Variants in IQCH observed in about 807,000 individuals in gnomAD.
IQCH encodes IQ motif containing H.
IQCH carries 98 observed loss-of-function variants against 117.0 expected under a neutral mutation model. That is an observed-to-expected ratio of 0.84 (90% CI 0.71 to 0.99). The LOEUF (loss-of-function observed/expected upper bound fraction) is 0.99, where lower values mean the gene tolerates loss of function less well. IQCH is among the 50% of genes least tolerant of loss of function. IQCH has a pLI of 0.00. For synonymous variants in IQCH, 412 were observed against 448.2 expected (o/e 0.92, Z 1.02); for missense variants, 1,102 against 1,243.8 (o/e 0.89, Z 1.72).
At chr15:67,378,786 G>A (rs571581851) in intron 10 of IQCH, among the ~76,000 whole-genome samples, 2 of 151,960 alleles carry the variant, frequency 1.3e-5, no homozygotes, top group African/African-American at 4.8e-5. Flanking sequence ...TTAATATTAG[G>A]ATATGCTGTA....
rs768727030 is a variant in IQCH at position 67,384,995 on chromosome 15, C to T, written c.1432C>T (p.Leu478=). The change falls in exon 11 of 21, where the codon CTG becomes TTG. Residue 478 remains leucine, a synonymous_variant. Transcript: ENST00000335894. The surrounding 1 kb of genome is among the most constrained non-coding windows in gnomAD (Gnocchi z 4.3). ...TTTCAACACACAGCAGAACATGCAG[C>T]TGGGGAGGCTGTGTGACATCTTAGG... is the stretch of plus-strand genomic sequence containing the variant. ...ADFNTQQNMQ[L]GRLCDILDAN... is the part of the protein sequence containing the mutation. 4 of 1,610,308 alleles carry T rather than the reference C, an allele frequency of 2.5e-6. No individual in the cohort carries two copies. Among genetic ancestry groups the T allele is most frequent in the Non-Finnish European group, 3.4e-6 (4 of 1,176,884 alleles).
Position 67,321,477 on chromosome 15 carries a change from T to A in IQCH, c.388-15498T>A, listed in dbSNP as rs201781714. The stretch of plus-strand genomic sequence containing the variant: ...CCTTCCTTTCCTTCCTTCCTTCCTT[T>A]CTTTCTTTCTTTTTCTTTCTTTTTT... On this transcript the variant is annotated intron_variant, in intron 4 of 20. Coordinates refer to ENST00000335894, the MANE Select transcript of IQCH (RefSeq NM_001031715.3). Among the ~76,000 whole-genome samples, 18 of 90,760 alleles carry A rather than the reference T, an allele frequency of 2.0e-4. 2 individuals carry two copies. The highest frequency in any genetic ancestry group is 1.5e-3 in the East Asian group (2 of 1,312). The allele number at this position is 90,760 out of a possible 152,430, so 59.5% of individuals were successfully genotyped here. A position where few individuals can be genotyped will look rare whatever the true frequency, so the allele number is the denominator to read the frequency against.
intron 6 of IQCH, among the ~76,000 whole-genome samples, chr15:67,351,582 A>G (rs1338373665): frequency 6.6e-6 from 1 of 152,208 alleles, no homozygotes; most frequent in East Asian, 1.9e-4. Flanking sequence ...AGTAATGCCA[A>G]ACTGTCTTTT....
At chr15:67,418,203 T>A (rs1301620785) in intron 15 of IQCH, among the ~76,000 whole-genome samples, 1 of 152,132 alleles carries the variant, frequency 6.6e-6, no homozygotes, top group Non-Finnish European at 1.5e-5. Flanking sequence ...TAGTTACATT[T>A]ATCAGGGCTT....
intron 4 of IQCH, among the ~76,000 whole-genome samples, chr15:67,331,727 C>T (rs1053990360): frequency 3.9e-5 from 6 of 152,164 alleles, no homozygotes; most frequent in Non-Finnish European, 8.8e-5. Context: ...ATTCAAGATA[C>T]GATTTCTTTC....
chr15:67,336,523 C>T (rs1372053432), intron 4 of IQCH, among the ~76,000 whole-genome samples: 2 of 152,102 alleles, frequency 1.3e-5, no homozygotes, highest in South Asian at 2.1e-4. Context: ...AAAGAATCTA[C>T]CCAGAATTAA....
At chr15:67,333,988 G>A (rs1439073765) in intron 4 of IQCH, among the ~76,000 whole-genome samples, 2 of 152,054 alleles carry the variant, frequency 1.3e-5, no homozygotes, top group African/African-American at 2.4e-5. Context: ...AGCTCAGGAG[G>A]TGAAGGCTGC....
At chr15:67,374,042 A>G (rs562871703) in intron 10 of IQCH, 2 of 152,618 alleles carry the variant, frequency 1.3e-5, no homozygotes, top group South Asian at 4.1e-4. Flanking sequence ...ATTTAATTAC[A>G]TTTATGAATT....
In IQCH at chr15:67,427,707, A is replaced by T. The variant is rs2081925284; in HGVS notation, c.2505+6130A>T. Among the ~76,000 whole-genome samples, 1 of 152,210 alleles carries T rather than the reference A, an allele frequency of 6.6e-6. No individual in the cohort carries two copies. The highest frequency in any genetic ancestry group is 6.5e-5 in the Admixed American group (1 of 15,278). On this transcript the variant is annotated intron_variant, in intron 16 of 20. Transcript: ENST00000335894. This position sits in a 1 kb window ranked among gnomAD's most constrained non-coding sequence, Gnocchi z 4.7. ...ATCAGCAAATTCAAATGTTAATAAT[A>T]ATCATCCACTTTAAAAAAATTATCA...
chr15:67,462,879 C>T (rs1434542388), intron 16 of IQCH, among the ~76,000 whole-genome samples: 2 of 152,136 alleles, frequency 1.3e-5, no homozygotes, highest in Non-Finnish European at 2.9e-5. Context: ...TCATGCCATA[C>T]AGCAGGAAAT....
Position 67,416,917 on chromosome 15 carries a change from ATT to A in IQCH, c.2098-12_2098-11del, listed in dbSNP as rs2081592177. The A allele has an allele frequency of 1.3e-6, 2 of 1,570,592 alleles. No individual in the cohort carries two copies. The highest frequency in any genetic ancestry group is 2.8e-5 in the African/African-American group (2 of 72,420). On this transcript the variant is annotated splice_polypyrimidine_tract_variant and intron_variant, in intron 14 of 20. Coordinates refer to ENST00000335894, the MANE Select transcript of IQCH (RefSeq NM_001031715.3). This position sits in a 1 kb window ranked among gnomAD's most constrained non-coding sequence, Gnocchi z 5.1. ...GTAAAATTGCTTGTGGTTCTATTTA[ATT>A]TGTTTCTGCAGGAGCCAGCTTTGGT...
chr15:67,482,226 A>C (rs201799258), intron 18 of IQCH, among the ~76,000 whole-genome samples: 1 of 152,156 alleles, frequency 6.6e-6, no homozygotes, highest in Non-Finnish European at 1.5e-5. Flanking sequence ...AACATTTCCC[A>C]CCAAAGGATA....
chr15:67,361,923 A>G lies in IQCH; in HGVS notation c.753+2038A>G, dbSNP rs1970148590. Among the ~76,000 whole-genome samples, 4 of 152,194 alleles carry G rather than the reference A, an allele frequency of 2.6e-5. No individual in the cohort carries two copies. In the South Asian group the frequency reaches 6.2e-4, roughly 24 times the overall value. Reference sequence around the variant, plus strand: ...CTTTTTATTATCTTAAGGCAAGCATAAAAACTATGTTAAGATTCACTCAAT... The same window carrying G: ...CTTTTTATTATCTTAAGGCAAGCATGAAAACTATGTTAAGATTCACTCAAT... On this transcript the variant is annotated intron_variant, in intron 8 of 20. Transcript: ENST00000335894.
chr15:67,473,903 C>T lies in IQCH; in HGVS notation c.2677-1793C>T, dbSNP rs1385056629. Among the ~76,000 whole-genome samples, 2 of 152,250 alleles carry T rather than the reference C, an allele frequency of 1.3e-5. No homozygotes were observed. The highest frequency in any genetic ancestry group is 6.5e-5 in the Admixed American group (1 of 15,292). ...TGTATTAGCCTGTGGGGGCCTAACT[C>T]GTCTGTAGATGTGGACTCCACTTGC... is the stretch of plus-strand genomic sequence containing the variant. On this transcript the variant is annotated intron_variant, in intron 17 of 20. Coordinates refer to ENST00000335894, the MANE Select transcript of IQCH (RefSeq NM_001031715.3). This position sits in a 1 kb window ranked among gnomAD's most constrained non-coding sequence, Gnocchi z 4.9.
At chr15:67,343,536 G>GT (rs1969260639) in intron 5 of IQCH, among the ~76,000 whole-genome samples, 1 of 152,148 alleles carries the variant, frequency 6.6e-6, no homozygotes, top group Non-Finnish European at 1.5e-5. Flanking sequence ...TTGCCCAGTT[G>GT]TATTAAAATA....
At chr15:67,311,239 A>C (rs1967580685) in intron 4 of IQCH, among the ~76,000 whole-genome samples, 1 of 152,120 alleles carries the variant, frequency 6.6e-6, no homozygotes, top group South Asian at 2.1e-4. Flanking sequence ...GTTGGTAGAT[A>C]TTGTTAGTCA....
Position 67,407,031 on chromosome 15 carries a change from G to A in IQCH, c.2097+6726G>A, listed in dbSNP as rs1343607261. The A allele has an allele frequency of 6.6e-6, 1 of 152,110 alleles. No homozygotes were observed. The highest frequency in any genetic ancestry group is 1.5e-5 in the Non-Finnish European group (1 of 68,026). The allele number at this position is 152,110 out of a possible 1,614,324, so 9.4% of individuals were successfully genotyped here. On this transcript the variant is annotated intron_variant, in intron 14 of 20. Transcript: ENST00000335894. The surrounding 1 kb of genome is among the most constrained non-coding windows in gnomAD (Gnocchi z 5.3). ...CAGAAGGTTCTTTAGGCTCTGGTAG[G>A]CTTCCAGGATATTGCTGTCTATGTC... is the stretch of plus-strand genomic sequence containing the variant.
chr15:67,464,695 G>A (rs187798209), intron 16 of IQCH, among the ~76,000 whole-genome samples: 2 of 152,206 alleles, frequency 1.3e-5, no homozygotes, highest in Admixed American at 6.5e-5. Flanking sequence ...TCCAAAATCA[G>A]GGCAAACTGC....
At position 67,463,334 on chromosome 15, in the gene IQCH, T is replaced by C. The variant is rs1303295902; in HGVS notation, c.2506-1793T>C. 6.6e-6 allele frequency among the ~76,000 whole-genome samples: 1 copy of C among 152,222 alleles called. No homozygotes were observed. Among genetic ancestry groups the C allele is most frequent in the Non-Finnish European group, 1.5e-5 (1 of 68,044 alleles). ...ATGTTTTCTCCACAAGACATTTTCA[T>C]GGCATGTCTTATATTAAACACAAAC... On this transcript the variant is annotated intron_variant, in intron 16 of 20. Coordinates refer to ENST00000335894, the MANE Select transcript of IQCH (RefSeq NM_001031715.3). The surrounding 1 kb of genome is among the most constrained non-coding windows in gnomAD (Gnocchi z 4.0).
Sources: gnomAD v4.1 joint callset for allele counts (sites outside exome capture counted in the v4.1 genomes callset) on GRCh38, gnomAD v4.1.1 for gene constraint, Gnocchi (gnomAD v3.1) non-coding constraint, MANE v1.5 for transcripts, NCBI Gene and HGNC (gene_info 2026-07-23, HGNC 2026-07-21) for gene names.